The following CNTNAP2 variants were observed in gnomAD, a reference collection of about 807,000 sequenced individuals.
CNTNAP2 encodes contactin-associated protein-like 2.
CNTNAP2 carries 98 observed loss-of-function variants against 155.2 expected under a neutral mutation model. The ratio of observed to expected loss-of-function variants is 0.63; its 90% confidence interval spans 0.54 to 0.75. CNTNAP2 has a LOEUF of 0.75. CNTNAP2 is among the 30% of genes least tolerant of loss of function. The pLI, the probability that CNTNAP2 is intolerant of heterozygous loss-of-function variation, is 0.00. For missense variants in CNTNAP2, 1,727 were observed against 1,688.1 expected (o/e 1.02, Z -0.40); for synonymous variants, 651 against 631.2 (o/e 1.03, Z -0.47).
At chr7:146,621,930 A>T (rs1388986917) in intron 1 of CNTNAP2, among the ~76,000 whole-genome samples, 1 of 152,070 alleles carries the variant, frequency 6.6e-6, no homozygotes, top group Non-Finnish European at 1.5e-5. Context: ...TTATGGACAC[A>T]TGAAATTTGA....
intron 21 of CNTNAP2, among the ~76,000 whole-genome samples, chr7:148,319,944 C>T (rs563229907): frequency 7.9e-5 from 12 of 151,270 alleles, no homozygotes; most frequent in Non-Finnish European, 1.3e-4. Flanking sequence ...CCCTAGTCCA[C>T]GGAAAAGCTG....
At chr7:146,847,800 C>T (rs987445743) in intron 3 of CNTNAP2, among the ~76,000 whole-genome samples, 1 of 152,038 alleles carries the variant, frequency 6.6e-6, no homozygotes, top group Non-Finnish European at 1.5e-5. Flanking sequence ...ATTATCACAT[C>T]GAGTCCTATG....
At chr7:146,188,559 A>AT (rs1358464535) in intron 1 of CNTNAP2, among the ~76,000 whole-genome samples, 7 of 152,192 alleles carry the variant, frequency 4.6e-5, no homozygotes, top group Admixed American at 1.3e-4. Context: ...AGACAGGTTA[A>AT]TTTGTTCTAG....
intron 8 of CNTNAP2, among the ~76,000 whole-genome samples, chr7:147,267,230 G>A (rs1391533938): frequency 6.6e-6 from 1 of 152,098 alleles, no homozygotes; most frequent in Non-Finnish European, 1.5e-5. Context: ...TACATCCATT[G>A]ATTCTTTTTA....
At chr7:148,113,131 A>G (rs1471031101) in intron 15 of CNTNAP2, among the ~76,000 whole-genome samples, 1 of 152,224 alleles carries the variant, frequency 6.6e-6, no homozygotes, top group Non-Finnish European at 1.5e-5. Context: ...CTGTAAAAAA[A>G]TACCTGAGAC....
At chr7:147,503,052 T>G (rs2116672273) in intron 11 of CNTNAP2, among the ~76,000 whole-genome samples, 1 of 152,294 alleles carries the variant, frequency 6.6e-6, no homozygotes. Flanking sequence ...AACCACATTC[T>G]TGCTGGTCAA....
chr7:146,269,751 G>C (rs1161809405), intron 1 of CNTNAP2, among the ~76,000 whole-genome samples: 1 of 152,174 alleles, frequency 6.6e-6, no homozygotes, highest in East Asian at 1.9e-4. Context: ...AACTAACTCT[G>C]TATACACTTT....
In CNTNAP2 at chr7:146,535,002, CAATT is replaced by C. The variant is rs573351376; in HGVS notation, c.98-239267_98-239264del. On this transcript the variant is annotated intron_variant, in intron 1 of 23. Coordinates refer to ENST00000361727, the MANE Select transcript of CNTNAP2 (RefSeq NM_014141.6). ...GTTAATGTACACACACGCTCATACA[CAATT>C]AGGCGTGCCATGTCCATCTTTTCTA... is the stretch of plus-strand genomic sequence containing the variant. 1.9e-3 allele frequency among the ~76,000 whole-genome samples: 258 copies of C among 136,806 alleles called. 2 individuals carry two copies. Among genetic ancestry groups the C allele is most frequent in the African/African-American group, 6.8e-3 (247 of 36,098 alleles). 89.8% of individuals were successfully genotyped at this position (136,806 alleles called of 152,430 possible). A position where few individuals can be genotyped will look rare whatever the true frequency, so the allele number is the denominator to read the frequency against.
intron 13 of CNTNAP2, among the ~76,000 whole-genome samples, chr7:147,779,513 T>C (rs1296497859): frequency 6.6e-6 from 1 of 152,234 alleles, no homozygotes; most frequent in Non-Finnish European, 1.5e-5. Flanking sequence ...CTTTATGCTT[T>C]GTCAGATGGT....
chr7:147,407,253 G>A (rs372332987), intron 10 of CNTNAP2, among the ~76,000 whole-genome samples: 1 of 152,034 alleles, frequency 6.6e-6, no homozygotes, highest in African/African-American at 2.4e-5. Context: ...CAGATCACGA[G>A]GTCAGGAGAT....
At chr7:147,451,671 T>C (rs1266156482) in intron 10 of CNTNAP2, among the ~76,000 whole-genome samples, 1 of 151,628 alleles carries the variant, frequency 6.6e-6, no homozygotes, top group Non-Finnish European at 1.5e-5. Flanking sequence ...CCTTCTTGCC[T>C]ATCCCCACCC....
chr7:146,651,745 A>C (rs1799915263), intron 1 of CNTNAP2, among the ~76,000 whole-genome samples: 1 of 152,144 alleles, frequency 6.6e-6, no homozygotes, highest in Non-Finnish European at 1.5e-5. Flanking sequence ...AAACCAATGA[A>C]CTAATTCATC....
intron 14 of CNTNAP2, among the ~76,000 whole-genome samples, chr7:147,974,536 A>G (rs1801392653): frequency 6.6e-6 from 1 of 152,122 alleles, no homozygotes; most frequent in Non-Finnish European, 1.5e-5. Context: ...GAGGCAGGAG[A>G]ATTGCTTGAA....
chr7:146,199,290 T>C (rs1329247854), intron 1 of CNTNAP2, among the ~76,000 whole-genome samples: 1 of 152,210 alleles, frequency 6.6e-6, no homozygotes, highest in Admixed American at 6.5e-5. Flanking sequence ...GCAGATATAA[T>C]TGTTTACTTG....
chr7:147,268,618 G>A (rs761424929), intron 8 of CNTNAP2, among the ~76,000 whole-genome samples: 3 of 152,120 alleles, frequency 2.0e-5, no homozygotes, highest in Middle Eastern at 3.4e-3. Flanking sequence ...ATGTAACAAA[G>A]CTGCATGTTC....
chr7:147,863,167 G>A (rs1799166021), intron 13 of CNTNAP2, among the ~76,000 whole-genome samples: 1 of 152,110 alleles, frequency 6.6e-6, no homozygotes, highest in Admixed American at 6.6e-5. Flanking sequence ...ACCTATAAGT[G>A]AGAACATGTG....
At position 147,061,141 on chromosome 7, in the gene CNTNAP2, A is replaced by G. The variant is rs116626003; in HGVS notation, c.550+17087A>G. On this transcript the variant is annotated intron_variant, in intron 4 of 23. Transcript: ENST00000361727. ...GCCGGGGAGGAAGAGGAAATGTAGA[A>G]TTACTATTAATGGGCATGAAGTTGA... is the stretch of plus-strand genomic sequence containing the variant. 2.8e-3 allele frequency among the ~76,000 whole-genome samples: 410 copies of G among 146,868 alleles called. 1 individual carries two copies. The highest frequency in any genetic ancestry group is 0.01 in the African/African-American group (387 of 37,066).
At position 148,331,152 on chromosome 7, in the gene CNTNAP2, AGATGGAATGGACG is replaced by A. The variant is rs1314890727; in HGVS notation, c.3476-52485_3476-52473del. On this transcript the variant is annotated intron_variant, in intron 21 of 23. Transcript: ENST00000361727. ...GGGTGGATGGATGGATGGAGTGGAC[AGATGGAATGGACG>A]GATGGAATGGATGGATGGAATGGAT... 8.1e-3 allele frequency among the ~76,000 whole-genome samples: 946 copies of A among 116,152 alleles called. 27 individuals are homozygous for A. The highest frequency in any genetic ancestry group is 0.031 in the African/African-American group (910 of 29,246). The allele number at this position is 116,152 out of a possible 152,430, so 76.2% of individuals were successfully genotyped here. A position where few individuals can be genotyped will look rare whatever the true frequency, so the allele number is the denominator to read the frequency against.
chr7:147,960,627 A>C (rs1009860383), intron 14 of CNTNAP2, among the ~76,000 whole-genome samples: 1 of 152,178 alleles, frequency 6.6e-6, no homozygotes, highest in African/African-American at 2.4e-5. Context: ...TTCCAGCATC[A>C]ACTGGAGTAT....
Sources: gnomAD v4.1 joint callset for allele counts (sites outside exome capture counted in the v4.1 genomes callset) on GRCh38, gnomAD v4.1.1 for gene constraint, MANE v1.5 for transcripts, NCBI Gene and HGNC (gene_info 2026-07-23, HGNC 2026-07-21) for gene names.